SLC12A1: variants seen among roughly 807,000 people sequenced by gnomAD.
SLC12A1 encodes Na-K-2Cl cotransporter.
A neutral mutation model predicts 130.4 loss-of-function variants in SLC12A1; 89 were observed. The observed-to-expected ratio is 0.68, with a 90% CI of 0.58 to 0.81. SLC12A1 has a LOEUF of 0.81. Ranked by LOEUF, SLC12A1 falls within the 40% of genes least tolerant of loss-of-function variation. SLC12A1 has a pLI of 0.00. For synonymous variants in SLC12A1, 499 were observed against 460.0 expected, an observed-to-expected ratio of 1.08 and a Z score of -1.09; for missense variants, 1,310 against 1,336.4, an observed-to-expected ratio of 0.98 and a Z score of 0.31.
At chr15:48,230,599 G>A in intron 7 of SLC12A1, 96 bp downstream of exon 7, 1 of 770,352 alleles carries the variant, frequency 1.3e-6, no homozygotes, top group Non-Finnish European at 2.3e-6. Context: ...AGGAATTGCT[G>A]TTATTACCTG....
At chr15:48,214,376 A>G (rs2041093656) in intron 2 of SLC12A1, among the ~76,000 whole-genome samples, 1 of 152,224 alleles carries the variant, frequency 6.6e-6, no homozygotes, top group African/African-American at 2.4e-5. Context: ...AAATATTAAG[A>G]ACCTTTCCAT....
intron 24 of SLC12A1, among the ~76,000 whole-genome samples, chr15:48,292,796 C>T (rs1021360461): frequency 1.3e-5 from 2 of 152,182 alleles, no homozygotes; most frequent in African/African-American, 4.8e-5. Context: ...ATCATCTAAA[C>T]CTAATTACCA....
chr15:48,219,151 C>T (rs187531119), intron 2 of SLC12A1, among the ~76,000 whole-genome samples: 15 of 152,302 alleles, frequency 9.8e-5, no homozygotes, highest in African/African-American at 1.7e-4. Context: ...AAAGGCATAA[C>T]GGAATCTCAA....
chr15:48,261,616 T>C (rs2041775974), intron 17 of SLC12A1, among the ~76,000 whole-genome samples: 1 of 152,212 alleles, frequency 6.6e-6, no homozygotes, highest in Admixed American at 6.5e-5. Context: ...CAGTCGTCAA[T>C]CATCTTTGCA....
chr15:48,241,708 C>A (rs2041518279), intron 10 of SLC12A1, 109 bp downstream of exon 10: 5 of 770,660 alleles, frequency 6.5e-6, no homozygotes, highest in Admixed American at 6.2e-5. Flanking sequence ...TAAAAGGCAA[C>A]AATTTTAATT....
intron 10 of SLC12A1, among the ~76,000 whole-genome samples, chr15:48,241,991 A>C (rs2041521975): frequency 6.6e-6 from 1 of 152,194 alleles, no homozygotes; most frequent in African/African-American, 2.4e-5. Flanking sequence ...TCAAACCTAA[A>C]AACAGCCTTA....
intron 1 of SLC12A1, 59 bp from the exon 2 acceptor site, chr15:48,207,475 C>T (rs945572500): frequency 1.3e-5 from 4 of 318,548 alleles, no homozygotes; most frequent in Non-Finnish European, 2.3e-5. Flanking sequence ...TATATCCCAC[C>T]CTTACCTAAA....
At chr15:48,256,302 G>A (rs1021869846) in intron 16 of SLC12A1, among the ~76,000 whole-genome samples, 1 of 152,162 alleles carries the variant, frequency 6.6e-6, no homozygotes, top group Non-Finnish European at 1.5e-5. Flanking sequence ...CTTTTCATTA[G>A]TTGTATCTTA....
intron 20 of SLC12A1, among the ~76,000 whole-genome samples, chr15:48,276,552 T>C (rs1297149999): frequency 1.3e-5 from 2 of 152,188 alleles, no homozygotes; most frequent in African/African-American, 4.8e-5. Flanking sequence ...GGCAGCTATC[T>C]TCAAGCCAAG....
intron 13 of SLC12A1, 111 bp from the exon 14 acceptor site, chr15:48,249,464 G>A: frequency 1.2e-6 from 1 of 823,486 alleles, no homozygotes; most frequent in South Asian, 1.5e-5. Context: ...TTTGACAGAT[G>A]CTCGCTATGT....
chr15:48,284,436 G>T (rs1190141292), intron 20 of SLC12A1, among the ~76,000 whole-genome samples: 1 of 152,128 alleles, frequency 6.6e-6, no homozygotes, highest in African/African-American at 2.4e-5. Context: ...ACTAGCTTAG[G>T]TCAGTAAATC....
chr15:48,230,829 T>C lies in SLC12A1; in HGVS notation c.975+326T>C, dbSNP rs118065016. ...CTCAATCACAAACCCTGGTTCCTCT[T>C]TCAAGCTGCCTGTGGGTGCAAAAGC... On this transcript the variant is annotated intron_variant, in intron 7 of 26. Transcript: ENST00000380993. 5.0e-3 allele frequency among the ~76,000 whole-genome samples: 769 copies of C among 152,308 alleles called. 18 individuals are homozygous for C. The highest frequency in any genetic ancestry group is 0.038 in the Admixed American group (578 of 15,294).
At chr15:48,272,601 AT>A (rs772377644) in intron 19 of SLC12A1, among the ~76,000 whole-genome samples, 20 of 151,826 alleles carry the variant, frequency 1.3e-4, no homozygotes, top group Non-Finnish European at 2.2e-4. Flanking sequence ...TAATTTTTAT[AT>A]TTTTTAGTAG....
At chr15:48,275,267 G>T (rs1401192190) in intron 20 of SLC12A1, among the ~76,000 whole-genome samples, 1 of 152,136 alleles carries the variant, frequency 6.6e-6, no homozygotes, top group African/African-American at 2.4e-5. Context: ...ATGAATTCAT[G>T]ATTTCCCTCT....
At chr15:48,293,012 C>T (rs1213801771) in intron 24 of SLC12A1, among the ~76,000 whole-genome samples, 1 of 152,118 alleles carries the variant, frequency 6.6e-6, no homozygotes, top group Non-Finnish European at 1.5e-5. Flanking sequence ...GCCTCCTGGG[C>T]TCAGGTCATT....
chr15:48,288,919 C>T (rs924926435), intron 23 of SLC12A1, among the ~76,000 whole-genome samples: 7 of 152,118 alleles, frequency 4.6e-5, no homozygotes, highest in Non-Finnish European at 1.0e-4. Context: ...GGCAGTCACT[C>T]TTAGAACAGC....
chr15:48,233,428 C>T (rs1386023468), intron 8 of SLC12A1, among the ~76,000 whole-genome samples: 1 of 152,254 alleles, frequency 6.6e-6, no homozygotes. Context: ...TCATTTCTCT[C>T]TTCCTGCTAG....
At position 48,255,819 on chromosome 15, in the gene SLC12A1, T is replaced by C. The variant is rs2041700850; in HGVS notation, c.1951T>C (p.Trp651Arg). The change falls in exon 16 of 27, where the codon TGG (tryptophan) becomes CGG (arginine). Residue 651 changes from tryptophan to arginine, a missense_variant. By Grantham distance (101) the Trp-to-Arg change is moderately radical. Coordinates refer to ENST00000380993, the MANE Select transcript of SLC12A1 (RefSeq NM_000338.3). ...TCCTCCTTTATCCACAGATGTGAAC[T>C]GGGGCTCCTCCACACAGGCTCTTTC... ...YVTCKKPDVN[W>R]GSSTQALSYV... 6.2e-7 allele frequency: 1 copy of C among 1,603,420 alleles called. No individual in the cohort carries two copies. The highest frequency in any genetic ancestry group is 8.5e-7 in the Non-Finnish European group (1 of 1,173,692).
chr15:48,231,261 C>T lies in SLC12A1; in HGVS notation c.975+758C>T, dbSNP rs79249936. On this transcript the variant is annotated intron_variant, in intron 7 of 26. Transcript: ENST00000380993. ...TGCCTACCACATGTTGAGCATTCTT[C>T]TAGGCACTGATATTCACCTGTGACC... is the stretch of plus-strand genomic sequence containing the variant. Among the ~76,000 whole-genome samples, 437 of 152,308 alleles carry T rather than the reference C, an allele frequency of 2.9e-3. 3 individuals are homozygous for T. Among genetic ancestry groups the T allele is most frequent in the African/African-American group, 0.01 (416 of 41,562 alleles).
Sources: gnomAD v4.1 joint callset for allele counts (sites outside exome capture counted in the v4.1 genomes callset) on GRCh38, gnomAD v4.1.1 for gene constraint, MANE v1.5 for transcripts, NCBI Gene and HGNC (gene_info 2026-07-23, HGNC 2026-07-21) for gene names.